HOOK3: variants seen among roughly 807,000 people sequenced by gnomAD.
The protein encoded by HOOK3 is hook microtubule tethering protein 3.
HOOK3 carries 24 observed loss-of-function variants against 116.3 expected under a neutral mutation model. The observed-to-expected ratio is 0.21, with a 90% CI of 0.15 to 0.29. The LOEUF is 0.29. HOOK3 is among the 10% of genes least tolerant of loss of function. The pLI is 1.00. For synonymous variants in HOOK3, 275 were observed against 283.0 expected, an observed-to-expected ratio of 0.97 and a Z score of 0.28; for missense variants, 632 against 830.2, an observed-to-expected ratio of 0.76 and a Z score of 2.93.
At chr8:42,970,129 T>C (rs1047571248) in intron 11 of HOOK3, among the ~76,000 whole-genome samples, 1 of 152,312 alleles carries the variant, frequency 6.6e-6, no homozygotes, top group African/African-American at 2.4e-5. Context: ...AGGGATCCCT[T>C]TGAGACTCTT....
chr8:42,907,543 A>G (rs1359515722), intron 2 of HOOK3, among the ~76,000 whole-genome samples: 1 of 152,118 alleles, frequency 6.6e-6, no homozygotes, highest in Non-Finnish European at 1.5e-5. Flanking sequence ...TGGTGCCCTA[A>G]TTTTAGCTTT....
intron 5 of HOOK3, among the ~76,000 whole-genome samples, chr8:42,946,518 A>T: frequency 6.7e-6 from 1 of 148,912 alleles, no homozygotes; most frequent in African/African-American, 2.5e-5. Flanking sequence ...AAGACGATGA[A>T]TTTTTTTTTT....
chr8:42,974,782 A>C (rs575420315), intron 13 of HOOK3, among the ~76,000 whole-genome samples: 1 of 152,300 alleles, frequency 6.6e-6, no homozygotes, highest in Non-Finnish European at 1.5e-5. Context: ...GGAATCTGAA[A>C]AGCAGTTCGT....
chr8:42,975,682 T>C (rs1808808586), intron 13 of HOOK3, among the ~76,000 whole-genome samples: 1 of 152,192 alleles, frequency 6.6e-6, no homozygotes, highest in African/African-American at 2.4e-5. Context: ...AGTAGTGTAA[T>C]AGAGGTATTC....
rs1808760294 is a variant in HOOK3 at position 42,973,339 on chromosome 8, A to C, written c.1173A>C (p.Lys391Asn). ...CCGAAGAATCAAAGAAAGCAGATAA[A>C]CTAGATTTTGAATATAAGCGGCTAA... is the stretch of plus-strand genomic sequence containing the variant. ...RLSEESKKAD[K>N]LDFEYKRLKE... is the part of the protein sequence containing the mutation. The change falls in exon 12 of 22, where the codon AAA becomes AAC. Residue 391 changes from lysine to asparagine, a missense_variant. Coordinates refer to ENST00000307602, the MANE Select transcript of HOOK3 (RefSeq NM_032410.4). The C allele has an allele frequency of 6.2e-7, 1 of 1,613,226 alleles. No individual in the cohort carries two copies. The highest frequency in any genetic ancestry group is 8.5e-7 in the Non-Finnish European group (1 of 1,179,714).
chr8:42,946,533 C>G (rs983555086), intron 5 of HOOK3, among the ~76,000 whole-genome samples: 7 of 151,568 alleles, frequency 4.6e-5, no homozygotes, highest in Non-Finnish European at 7.4e-5. Flanking sequence ...TTTTTTTAAG[C>G]CCAAAGGTTT....
intron 3 of HOOK3, among the ~76,000 whole-genome samples, chr8:42,929,782 T>C (rs1015402598): frequency 2.0e-5 from 3 of 152,204 alleles, no homozygotes; most frequent in Non-Finnish European, 4.4e-5. Flanking sequence ...TGAACTCAAG[T>C]CTTCATTAAG....
chr8:42,897,299 C>A, intron 1 of HOOK3, 111 bp downstream of exon 1: 1 of 520,746 alleles, frequency 1.9e-6, no homozygotes. Context: ...CCGTCACATC[C>A]GGGGCCTGGG....
At chr8:42,938,074 T>G (rs999950105) in intron 4 of HOOK3, among the ~76,000 whole-genome samples, 36 of 152,220 alleles carry the variant, frequency 2.4e-4, no homozygotes, top group Non-Finnish European at 4.6e-4. Flanking sequence ...TGGGTGCTCC[T>G]GTATTGGGTG....
At chr8:42,904,413 G>A (rs941142062) in intron 1 of HOOK3, among the ~76,000 whole-genome samples, 1 of 151,062 alleles carries the variant, frequency 6.6e-6, no homozygotes, top group Non-Finnish European at 1.5e-5. Flanking sequence ...GGGTTCAAGC[G>A]ATTCTCCTGC....
chr8:42,984,260 C>T (rs972034477), intron 14 of HOOK3, among the ~76,000 whole-genome samples: 3 of 151,350 alleles, frequency 2.0e-5, no homozygotes, highest in Non-Finnish European at 4.4e-5. Context: ...CCCAGCTACT[C>T]GGGAGGGTGA....
intron 3 of HOOK3, among the ~76,000 whole-genome samples, chr8:42,928,510 C>T (rs1807813675): frequency 1.3e-5 from 2 of 151,932 alleles, no homozygotes; most frequent in African/African-American, 4.8e-5. Context: ...TATGATGTTT[C>T]AAATAATGCT....
At chr8:42,934,587 G>A (rs981471527) in intron 4 of HOOK3, among the ~76,000 whole-genome samples, 1 of 149,700 alleles carries the variant, frequency 6.7e-6, no homozygotes, top group African/African-American at 2.5e-5. Context: ...TGTTCCCTCC[G>A]TGTGTCCATG....
chr8:42,997,691 T>C, intron 16 of HOOK3, 54 bp downstream of exon 16: 1 of 964,182 alleles, frequency 1.0e-6, no homozygotes, highest in Non-Finnish European at 1.7e-6. Context: ...TGTTGAGAAA[T>C]AACTTTTATT....
At chr8:42,920,356 G>T (rs1807633125) in intron 2 of HOOK3, among the ~76,000 whole-genome samples, 1 of 152,202 alleles carries the variant, frequency 6.6e-6, no homozygotes, top group Non-Finnish European at 1.5e-5. Flanking sequence ...GGAAGCTACG[G>T]TTAAATGCCT....
intron 13 of HOOK3, among the ~76,000 whole-genome samples, chr8:42,977,757 C>T (rs1808855750): frequency 6.6e-6 from 1 of 152,122 alleles, no homozygotes; most frequent in Non-Finnish European, 1.5e-5. Flanking sequence ...ATCCTAGCTA[C>T]TCGAGAGGCT....
At chr8:43,008,059 C>G (rs1809526469) in intron 18 of HOOK3, 130 bp downstream of exon 18, 1 of 375,216 alleles carries the variant, frequency 2.7e-6, no homozygotes. Flanking sequence ...CTCACTCTCA[C>G]CCAGGCTGGA....
In HOOK3 at chr8:42,928,914, C is replaced by T. The variant is rs543029964; in HGVS notation, c.217-1208C>T. ...AAAATTAGCCAGGTGTGGTGGCAGG[C>T]GCCTGTAATCCCAGCTACTCAGAAA... On this transcript the variant is annotated intron_variant, in intron 3 of 21. Transcript: ENST00000307602. 5.9e-5 allele frequency among the ~76,000 whole-genome samples: 9 copies of T among 152,114 alleles called. No homozygotes were observed. The South Asian group carries it at 1.0e-3, about 18-fold the overall frequency.
intron 8 of HOOK3, among the ~76,000 whole-genome samples, chr8:42,960,012 T>C (rs1472149189): frequency 6.6e-6 from 1 of 152,190 alleles, no homozygotes; most frequent in Non-Finnish European, 1.5e-5. Flanking sequence ...ATCACACTTG[T>C]TGGGTTATCT....
Sources: allele counts gnomAD v4.1 joint callset (sites outside exome capture counted in the v4.1 genomes callset), GRCh38; gene constraint gnomAD v4.1.1; transcripts MANE v1.5; gene names NCBI Gene and HGNC (gene_info 2026-07-23, HGNC 2026-07-21).